The following TBC1D23 variants were observed in gnomAD, a reference collection of about 807,000 sequenced individuals.
TBC1D23 encodes the protein TBC1 domain family member 23.
Under a neutral mutation model 91.4 loss-of-function variants are expected in TBC1D23, and 55 were observed. That is an observed-to-expected ratio of 0.60 (90% CI 0.48 to 0.75). The LOEUF (loss-of-function observed/expected upper bound fraction) is 0.75, where lower values mean the gene tolerates loss of function less well. TBC1D23 is among the 30% of genes least tolerant of loss of function. The pLI is 0.00. For synonymous variants in TBC1D23, 289 were observed against 281.0 expected, an observed-to-expected ratio of 1.03 and a Z score of -0.28; for missense variants, 725 against 836.1, an observed-to-expected ratio of 0.87 and a Z score of 1.64.
At chr3:100,317,134 A>T (rs1417798994) in intron 16 of TBC1D23, among the ~76,000 whole-genome samples, 1 of 152,132 alleles carries the variant, frequency 6.6e-6, no homozygotes, top group East Asian at 1.9e-4. Flanking sequence ...TGTCCAGCTT[A>T]TCCTAATTAA....
At chr3:100,301,991 TAAAA>T in intron 10 of TBC1D23, 72 bp from the exon 11 acceptor site, 5 of 1,199,476 alleles carry the variant, frequency 4.2e-6, no homozygotes, top group Non-Finnish European at 5.8e-6. Flanking sequence ...GGGTTTTTCC[TAAAA>T]AAAATTTCAA....
chr3:100,279,607 A>G (rs1204193918), intron 1 of TBC1D23, 42 bp from the exon 2 acceptor site: 2 of 1,282,760 alleles, frequency 1.6e-6, no homozygotes, highest in East Asian at 5.0e-5. Context: ...AAGAAAAAGT[A>G]TGAGATAAAG....
rs552294063 is a variant in TBC1D23 at position 100,272,900 on chromosome 3, C to T, written c.54-6749C>T. Among the ~76,000 whole-genome samples, 11 of 151,464 alleles carry T rather than the reference C, an allele frequency of 7.3e-5. No individual in the cohort carries two copies. In the East Asian group the frequency reaches 1.7e-3, roughly 24 times the overall value. On this transcript the variant is annotated intron_variant, in intron 1 of 18. Transcript: ENST00000394144. ...GCCCTAAGGCGGTTTTCCCCTATCT[C>T]AGTAGATGGAACATACAATCGGTTT...
chr3:100,301,254 CAG>C (rs1417141571), intron 10 of TBC1D23, among the ~76,000 whole-genome samples: 1 of 115,138 alleles, frequency 8.7e-6, no homozygotes, highest in African/African-American at 3.6e-5. Context: ...GCCTGGGTGA[CAG>C]AGGGAGATTC....
intron 1 of TBC1D23, among the ~76,000 whole-genome samples, chr3:100,270,574 TAAAGG>T (rs1017285775): frequency 8.5e-5 from 13 of 152,270 alleles, no homozygotes; most frequent in Admixed American, 8.5e-4. Context: ...GTGAAAATTT[TAAAGG>T]AAAGGAGATA....
Position 100,310,455 on chromosome 3 carries a change from A to G in TBC1D23, c.1466A>G (p.Lys489Arg), listed in dbSNP as rs1289684612. 1.9e-6 allele frequency: 3 copies of G among 1,613,570 alleles called. No individual in the cohort carries two copies. The highest frequency in any genetic ancestry group is 1.7e-5 in the Admixed American group (1 of 59,992). ...SDRGMKSLVN[K>R]MTVALKTKSV... ...AGAGGAATGAAATCACTAGTAAATAAAATGACTGTGGCTTTGAAGACAAAA... is the reference window on the plus strand; with the variant it reads ...AGAGGAATGAAATCACTAGTAAATAGAATGACTGTGGCTTTGAAGACAAAA... The change falls in exon 14 of 19, where the codon AAA becomes AGA. Residue 489 changes from lysine to arginine, a missense_variant. Lys to Arg is a conservative substitution (Grantham distance 26, BLOSUM62 2). Coordinates refer to ENST00000394144, the MANE Select transcript of TBC1D23 (RefSeq NM_001199198.3).
At chr3:100,305,947 T>A (rs935281438) in intron 12 of TBC1D23, among the ~76,000 whole-genome samples, 5 of 152,162 alleles carry the variant, frequency 3.3e-5, no homozygotes, top group African/African-American at 1.2e-4. Context: ...TAACCCAGAT[T>A]TTAGAAAATT....
intron 1 of TBC1D23, among the ~76,000 whole-genome samples, chr3:100,266,252 G>A (rs2067556594): frequency 6.6e-6 from 1 of 151,982 alleles, no homozygotes; most frequent in Non-Finnish European, 1.5e-5. Context: ...TTATAATTTA[G>A]ATTTTAGAGT....
chr3:100,321,969 A>G (rs1705865961), intron 18 of TBC1D23, among the ~76,000 whole-genome samples: 1 of 151,988 alleles, frequency 6.6e-6, no homozygotes, highest in Non-Finnish European at 1.5e-5. Context: ...ATTTTTTTTA[A>G]TGCATATGTT....
intron 8 of TBC1D23, among the ~76,000 whole-genome samples, chr3:100,297,484 C>G (rs984171359): frequency 6.6e-6 from 1 of 151,882 alleles, no homozygotes; most frequent in Admixed American, 6.6e-5. Flanking sequence ...TTTTCTTATT[C>G]AAGAGCTGCA....
chr3:100,297,358 G>A (rs1213801826), intron 8 of TBC1D23, among the ~76,000 whole-genome samples: 1 of 152,132 alleles, frequency 6.6e-6, no homozygotes. Flanking sequence ...CTAGGGACCA[G>A]TTTCAACTAT....
In TBC1D23 at chr3:100,279,651, A is replaced by G. The variant is rs750238459; in HGVS notation, c.56A>G (p.Glu19Gly). The change falls in exon 2 of 19, where the codon GAA becomes GGA. Residue 19 changes from glutamate (E) to glycine (G), a missense_variant and splice_region_variant. Physicochemically the swap from Glu to Gly is moderately conservative, Grantham distance 98. Coordinates refer to ENST00000394144, the MANE Select transcript of TBC1D23 (RefSeq NM_001199198.3). The stretch of plus-strand genomic sequence containing the variant: ...AATAAATAGGACTTATTTTTTAGGG[A>G]AAAAGATCTTGAAGAAGCTCTGGAA... Reference protein sequence around the residue: ...PLPTSSGDGWEKDLEEALEAG... With the variant: ...PLPTSSGDGWGKDLEEALEAG... 5.7e-6 allele frequency: 9 copies of G among 1,578,884 alleles called. No homozygotes were observed. In the African/African-American group the frequency reaches 1.1e-4, roughly 19 times the overall value.
rs558654229 is a variant in TBC1D23 at position 100,300,901 on chromosome 3, G to A, written c.1093-1166G>A. On this transcript the variant is annotated intron_variant, in intron 10 of 18. Coordinates refer to ENST00000394144, the MANE Select transcript of TBC1D23 (RefSeq NM_001199198.3). ...TTTGTTTTGCCACTTGATTTTTCAC[G>A]TAACAGTTTCTAAGAGATCTTTTGA... is the stretch of plus-strand genomic sequence containing the variant. 9.2e-5 allele frequency among the ~76,000 whole-genome samples: 14 copies of A among 152,026 alleles called. No homozygotes were observed. In the South Asian group the frequency reaches 2.9e-3, roughly 32 times the overall value.
At chr3:100,311,711 C>A in intron 14 of TBC1D23, 122 bp from the exon 15 acceptor site, 1 of 613,546 alleles carries the variant, frequency 1.6e-6, no homozygotes, top group Non-Finnish European at 2.8e-6. Context: ...ATGATGGAAA[C>A]ATCTTCTTTA....
At chr3:100,307,353 T>G (rs146530624) in intron 13 of TBC1D23, among the ~76,000 whole-genome samples, 37 of 152,350 alleles carry the variant, frequency 2.4e-4, no homozygotes, top group Non-Finnish European at 4.1e-4. Flanking sequence ...AGGTCTGACA[T>G]ACCTGGGTTC....
At chr3:100,281,117 G>A (rs778199795) in intron 2 of TBC1D23, among the ~76,000 whole-genome samples, 2 of 152,126 alleles carry the variant, frequency 1.3e-5, no homozygotes, top group Non-Finnish European at 2.9e-5. Flanking sequence ...AGCCGAGATC[G>A]TGCCACTATG....
At position 100,290,481 on chromosome 3, in the gene TBC1D23, A is replaced by C. The variant is rs572742809; in HGVS notation, c.477-97A>C. 62 of 1,051,688 alleles carry C rather than the reference A, an allele frequency of 5.9e-5. No individual in the cohort carries two copies. In the South Asian group the frequency reaches 9.1e-4, roughly 16 times the overall value. 65.1% of individuals were successfully genotyped at this position (1,051,688 alleles called of 1,614,324 possible). The stretch of plus-strand genomic sequence containing the variant: ...GCCTGCTACTGTCAGGTAGGCTTCC[A>C]GTGAATGCTGTGGAGGGTATAGCAG... On this transcript the variant is annotated intron_variant, in intron 4 of 18. Coordinates refer to ENST00000394144, the MANE Select transcript of TBC1D23 (RefSeq NM_001199198.3).
In TBC1D23 at chr3:100,317,242, A is replaced by G. The variant is rs187862609; in HGVS notation, c.1687+1055A>G. On this transcript the variant is annotated intron_variant, in intron 16 of 18. Coordinates refer to ENST00000394144, the MANE Select transcript of TBC1D23 (RefSeq NM_001199198.3). The stretch of plus-strand genomic sequence containing the variant: ...GTGTACTGAGTTAGGGAAAAAATAT[A>G]TAAATGTACAGAATGAGAAAAAAAG... 5.2e-4 allele frequency among the ~76,000 whole-genome samples: 79 copies of G among 152,322 alleles called. No homozygotes were observed. The East Asian group carries it at 6.9e-3, about 13-fold the overall frequency.
At chr3:100,299,608 C>G (rs1312364254) in intron 10 of TBC1D23, among the ~76,000 whole-genome samples, 1 of 152,184 alleles carries the variant, frequency 6.6e-6, no homozygotes, top group Non-Finnish European at 1.5e-5. Flanking sequence ...CTCCTGGGTT[C>G]AAGCTATTCT....
Sources: allele counts gnomAD v4.1 joint callset (sites outside exome capture counted in the v4.1 genomes callset), GRCh38; gene constraint gnomAD v4.1.1; transcripts MANE v1.5; gene names NCBI Gene and HGNC (gene_info 2026-07-23, HGNC 2026-07-21).